Variants in SGCD observed in about 807,000 individuals in gnomAD.
SGCD encodes sarcoglycan delta, also known as delta-sarcoglycan.
Under a neutral mutation model 36.6 loss-of-function variants are expected in SGCD, and 18 were observed. The ratio of observed to expected loss-of-function variants is 0.49; its 90% CI spans 0.34 to 0.73. The LOEUF is 0.73. SGCD is among the 30% of genes least tolerant of loss of function. SGCD has a pLI of 0.01. For synonymous variants in SGCD, 133 were observed against 130.6 expected (o/e 1.02, Z -0.12); for missense variants, 387 against 346.7 (o/e 1.12, Z -0.92).
chr5:156,218,827 T>C (rs1418679257), intron 3 of SGCD, among the ~76,000 whole-genome samples: 2 of 152,210 alleles, frequency 1.3e-5, no homozygotes, highest in African/African-American at 4.8e-5. Flanking sequence ...ACTGTTTTCA[T>C]GTTTATCTTA....
intron 3 of SGCD, among the ~76,000 whole-genome samples, chr5:156,469,904 C>T (rs973354184): frequency 5.3e-5 from 8 of 152,152 alleles, no homozygotes; most frequent in African/African-American, 1.9e-4. Flanking sequence ...AAACATGGGC[C>T]AAGTTAAGCT....
At chr5:155,813,471 C>T in the SGCD span, among the ~76,000 whole-genome samples, 1 of 152,090 alleles carries the variant, frequency 6.6e-6, no homozygotes, top group South Asian at 2.1e-4. Flanking sequence ...AACAAAATAC[C>T]TGCTGATCAG....
rs530983459 is a variant in SGCD at position 156,132,396 on chromosome 5, G to A, written c.-44+8377G>A. On this transcript the variant is annotated intron_variant, in intron 3 of 9. Coordinates refer to the SGCD transcript ENST00000517913. ...GTCTGTTTTCTTTGGATGTGGAAATGATGGTTTTTATATTTTTGTGCCTCA... is the reference window on the plus strand; with the variant it reads ...GTCTGTTTTCTTTGGATGTGGAAATAATGGTTTTTATATTTTTGTGCCTCA... Among the ~76,000 whole-genome samples, 4 of 145,308 alleles carry A rather than the reference G, an allele frequency of 2.8e-5. No homozygotes were observed. The South Asian group carries it at 9.1e-4, about 33-fold the overall frequency.
At chr5:156,530,401 T>C (rs2113095310) in intron 4 of SGCD, among the ~76,000 whole-genome samples, 1 of 152,216 alleles carries the variant, frequency 6.6e-6, no homozygotes, top group East Asian at 1.9e-4. Flanking sequence ...TTTATATTAT[T>C]GAATGACTGT....
intron 3 of SGCD, among the ~76,000 whole-genome samples, chr5:156,268,985 T>A (rs1197664025): frequency 6.6e-6 from 1 of 152,108 alleles, no homozygotes; most frequent in Non-Finnish European, 1.5e-5. Flanking sequence ...AAAGTTTCTG[T>A]ATTAGTCTGT....
chr5:155,866,671 T>G (rs1465324491), upstream of SGCD, among the ~76,000 whole-genome samples: 1 of 152,198 alleles, frequency 6.6e-6, no homozygotes. Flanking sequence ...TCATTGCTCT[T>G]TCTCCTACAC....
chr5:156,136,759 T>A (rs1762469275), intron 3 of SGCD, among the ~76,000 whole-genome samples: 1 of 152,192 alleles, frequency 6.6e-6, no homozygotes, highest in Admixed American at 6.5e-5. Flanking sequence ...ATCTGAGATT[T>A]TACTAAAAGC....
At chr5:156,493,176 G>A (rs1198210197) in intron 3 of SGCD, among the ~76,000 whole-genome samples, 1 of 152,072 alleles carries the variant, frequency 6.6e-6, no homozygotes, top group Non-Finnish European at 1.5e-5. Context: ...ATGATGTTTT[G>A]ATATATTTAT....
intron 6 of SGCD, among the ~76,000 whole-genome samples, chr5:156,607,263 T>G (rs1402904393): frequency 6.6e-6 from 1 of 152,236 alleles, no homozygotes; most frequent in African/African-American, 2.4e-5. Context: ...GAAGCATTGT[T>G]GAATTTTGTC....
the SGCD span, among the ~76,000 whole-genome samples, chr5:155,773,062 G>T: frequency 4.6e-5 from 7 of 151,984 alleles, no homozygotes; most frequent in Non-Finnish European, 7.4e-5. Flanking sequence ...GGAGTTTTTG[G>T]CCTAGTCCTG....
rs116628713 is a variant in SGCD, at chr5:156,058,836, C to T, written c.-281-59042C>T. Among the ~76,000 whole-genome samples, 14 of 145,590 alleles carry T rather than the reference C, an allele frequency of 9.6e-5. 2 individuals carry two copies. The highest frequency in any genetic ancestry group is 1.2e-4 in the Non-Finnish European group (8 of 64,702). On this transcript the variant is annotated intron_variant, in intron 1 of 9. Coordinates refer to the SGCD transcript ENST00000517913. ...CAAAGTAACCTGGAGAAAGGGGAAACTGTGTAGGAATATAGATGAAACAAG... is the reference window on the plus strand; with the variant it reads ...CAAAGTAACCTGGAGAAAGGGGAAATTGTGTAGGAATATAGATGAAACAAG...
At chr5:156,217,568 A>T (rs1002663198) in intron 3 of SGCD, among the ~76,000 whole-genome samples, 104 of 152,332 alleles carry the variant, frequency 6.8e-4, no homozygotes, top group African/African-American at 2.4e-3. Context: ...TTTCAACTGT[A>T]CTATTTTTAC....
chr5:155,898,424 C>T lies in SGCD; in HGVS notation c.-282+28000C>T, dbSNP rs78000839. Reference sequence around the variant, plus strand: ...ATAGTATGCTAGGGAATAGGGAGTTCATAGTCTTTTAGATGAGGCACATAT... The same window carrying T: ...ATAGTATGCTAGGGAATAGGGAGTTTATAGTCTTTTAGATGAGGCACATAT... On this transcript the variant is annotated intron_variant, in intron 1 of 9. Coordinates refer to the SGCD transcript ENST00000517913. Among the ~76,000 whole-genome samples, 1,486 of 152,196 alleles carry T rather than the reference C, an allele frequency of 9.8e-3. 34 individuals are homozygous for T. The highest frequency in any genetic ancestry group is 0.034 in the African/African-American group (1,424 of 41,504).
At chr5:156,368,752 C>A (rs1261274523) in intron 3 of SGCD, among the ~76,000 whole-genome samples, 1 of 152,210 alleles carries the variant, frequency 6.6e-6, no homozygotes, top group African/African-American at 2.4e-5. Flanking sequence ...TTGTGCACTC[C>A]TTATGAGAAT....
intron 3 of SGCD, among the ~76,000 whole-genome samples, chr5:156,349,361 C>T (rs141572737): frequency 5.4e-4 from 82 of 151,562 alleles, no homozygotes; most frequent in Non-Finnish European, 8.8e-4. Flanking sequence ...TCTGACAAAA[C>T]GACTAATATT....
chr5:156,411,157 G>C (rs899663508), intron 3 of SGCD, among the ~76,000 whole-genome samples: 4 of 152,094 alleles, frequency 2.6e-5, no homozygotes, highest in African/African-American at 9.7e-5. Flanking sequence ...AACTCTTATT[G>C]GTGATTTTTG....
At chr5:156,695,901 T>G (rs1215547588) in intron 7 of SGCD, among the ~76,000 whole-genome samples, 1 of 152,240 alleles carries the variant, frequency 6.6e-6, no homozygotes, top group African/African-American at 2.4e-5. Flanking sequence ...GTCTGGTTTG[T>G]GTTCATCAGA....
intron 3 of SGCD, among the ~76,000 whole-genome samples, chr5:156,411,596 C>T (rs988101220): frequency 2.6e-5 from 4 of 152,168 alleles, no homozygotes; most frequent in Non-Finnish European, 5.9e-5. Flanking sequence ...GTCCTTGTTT[C>T]CTGTTCCATA....
At chr5:156,397,263 G>C (rs1308485966) in intron 3 of SGCD, among the ~76,000 whole-genome samples, 1 of 152,144 alleles carries the variant, frequency 6.6e-6, no homozygotes, top group Admixed American at 6.5e-5. Context: ...CAGTCGGTCT[G>C]CAAACTTTTT....
Sources: gnomAD v4.1 joint callset for allele counts (sites outside exome capture counted in the v4.1 genomes callset) on GRCh38, gnomAD v4.1.1 for gene constraint, MANE v1.5 for transcripts, NCBI Gene and HGNC (gene_info 2026-07-23, HGNC 2026-07-21) for gene names.